The following HOXD4 variants were observed in gnomAD, a reference collection of about 807,000 sequenced individuals.
HOXD4 encodes homeobox D4.
HOXD4 carries 15 observed loss-of-function variants against 22.6 expected under a neutral mutation model. The ratio of observed to expected loss-of-function variants is 0.67; its 90% CI spans 0.45 to 1.02. The LOEUF (loss-of-function observed/expected upper bound fraction) is 1.02. Ranked by LOEUF, HOXD4 falls within the 50% of genes least tolerant of loss-of-function variation. The pLI is 0.00. For missense variants in HOXD4, 350 were observed against 346.6 expected (o/e 1.01, Z -0.08); for synonymous variants, 176 against 157.0 (o/e 1.12, Z -0.90).
chr2:176,152,093 T>G lies in HOXD4; in HGVS notation c.433+27T>G. 6.3e-7 allele frequency: 1 copy of G among 1,597,986 alleles called. No individual in the cohort carries two copies. Among genetic ancestry groups the G allele is most frequent in the South Asian group, 1.1e-5 (1 of 90,648 alleles). ...TAAGGCTAGGGTCCAGTAACCTTTC[T>G]GTCCACATCCCAGCCCGTTAGCCTG... On this transcript the variant is annotated intron_variant, in intron 1 of 1. Transcript: ENST00000306324. The surrounding 1 kb of genome is among the most constrained non-coding windows in gnomAD (Gnocchi z 5.2).
rs143890106 is a variant in HOXD4, at chr2:176,153,006, C to A, written c.*64C>A. 127 of 1,518,280 alleles carry A rather than the reference C, an allele frequency of 8.4e-5. No homozygotes were observed. The East Asian group carries it at 2.9e-3, about 34-fold the overall frequency. 94.1% of individuals were successfully genotyped at this position (1,518,280 alleles called of 1,614,324 possible). A position where few individuals can be genotyped will look rare whatever the true frequency, so the allele number is the denominator to read the frequency against. On this transcript the variant is annotated 3_prime_UTR_variant, in exon 2 of 2. Coordinates refer to ENST00000306324, the MANE Select transcript of HOXD4 (RefSeq NM_014621.3). ...GCTGAGCCGAAGCTGCGGGGGCAGG[C>A]CGGGCCTGCTGTCACCTCGCTGGGC... is the stretch of plus-strand genomic sequence containing the variant.
chr2:176,153,172 G>A lies in HOXD4; in HGVS notation c.*230G>A, dbSNP rs933904173. 1.8e-6 allele frequency: 1 copy of A among 571,342 alleles called. No homozygotes were observed. The highest frequency in any genetic ancestry group is 3.1e-6 in the Non-Finnish European group (1 of 319,492). 35.4% of individuals were successfully genotyped at this position (571,342 alleles called of 1,614,324 possible). On this transcript the variant is annotated 3_prime_UTR_variant, in exon 2 of 2. Transcript: ENST00000306324. ...ATTCTCTCTCTAAGTATATTATATG[G>A]CAGGAGCTACTGAGAACATAAAATC...
Position 176,151,926 on chromosome 2 carries a change from C to A in HOXD4, c.293C>A (p.Ala98Asp), listed in dbSNP as rs1376075991. Residue 98 changes from alanine to aspartate, a missense_variant, in exon 1 of 2, where the codon GCT becomes GAT. Coordinates refer to ENST00000306324, the MANE Select transcript of HOXD4 (RefSeq NM_014621.3). ...HYAAPGEPCP[A>D]PPAPPPAPLP... The stretch of plus-strand genomic sequence containing the variant: ...GCCGCTCCAGGAGAGCCTTGCCCAG[C>A]TCCCCCGGCGCCTCCGCCGGCGCCC... 6.2e-7 allele frequency: 1 copy of A among 1,603,408 alleles called. No individual in the cohort carries two copies. The highest frequency in any genetic ancestry group is 8.5e-7 in the Non-Finnish European group (1 of 1,174,908).
rs977785447 is a variant in HOXD4 at position 176,151,712 on chromosome 2, G to C, written c.79G>C (p.Gly27Arg). The C allele has an allele frequency of 2.5e-6, 4 of 1,613,556 alleles. No individual in the cohort carries two copies. The highest frequency in any genetic ancestry group is 3.4e-6 in the Non-Finnish European group (4 of 1,179,982). The change falls in exon 1 of 2, where the codon GGC (glycine) becomes CGC (arginine). Residue 27 changes from glycine (G) to arginine (R), a missense_variant. Transcript: ENST00000306324. The stretch of plus-strand genomic sequence containing the variant: ...TCCGTGCGAGGAGTATTTGCAGGGC[G>C]GCTACCTAGGCGAGCAGGGCGCCGA... ...FPPCEEYLQG[G>R]YLGEQGADYY...
In HOXD4 at chr2:176,151,701, A is replaced by G. The variant is rs556334519; in HGVS notation, c.68A>G (p.Tyr23Cys). 3 of 1,613,646 alleles carry G rather than the reference A, an allele frequency of 1.9e-6. No individual in the cohort carries two copies. In the African/African-American group the frequency reaches 4.0e-5, roughly 21 times the overall value. Residue 23 changes from tyrosine to cysteine, a missense_variant, in exon 1 of 2, where the codon TAT becomes TGT. Tyr to Cys is a radical substitution (Grantham distance 194). Coordinates refer to ENST00000306324, the MANE Select transcript of HOXD4 (RefSeq NM_014621.3). ...VDPKFPPCEE[Y>C]LQGGYLGEQG... ...CCCAAGTTCCCTCCGTGCGAGGAGT[A>G]TTTGCAGGGCGGCTACCTAGGCGAG... is the stretch of plus-strand genomic sequence containing the variant.
rs776849835 is a variant in HOXD4, at chr2:176,151,931, C to T, written c.298C>T (p.Pro100Ser). ...AAPGEPCPAP[P>S]APPPAPLPGA... ...TCCAGGAGAGCCTTGCCCAGCTCCC[C>T]CGGCGCCTCCGCCGGCGCCCCTGCC... is the stretch of plus-strand genomic sequence containing the variant. The change falls in exon 1 of 2, where the codon CCG (proline) becomes TCG (serine). Residue 100 changes from proline to serine, a missense_variant. By Grantham distance (74) the Pro-to-Ser change is moderately conservative (BLOSUM62 -1). Coordinates refer to ENST00000306324, the MANE Select transcript of HOXD4 (RefSeq NM_014621.3). 6.9e-6 allele frequency: 11 copies of T among 1,605,428 alleles called. No homozygotes were observed. The East Asian group carries it at 9.0e-5, about 13-fold the overall frequency.
chr2:176,152,745 C>G lies in HOXD4; in HGVS notation c.571C>G (p.Leu191Val). The change falls in exon 2 of 2, where the codon CTG becomes GTG. Residue 191 changes from leucine to valine, a missense_variant. Leu to Val is a conservative substitution (Grantham distance 32). Coordinates refer to ENST00000306324, the MANE Select transcript of HOXD4 (RefSeq NM_014621.3). This position sits in a 1 kb window ranked among gnomAD's most constrained non-coding sequence, Gnocchi z 5.2. ...RRRRIEIAHT[L>V]CLSERQIKIW... ...CCGTCGGATTGAAATCGCTCACACCCTGTGTCTGTCGGAGCGCCAGATCAA... is the reference window on the plus strand; with the variant it reads ...CCGTCGGATTGAAATCGCTCACACCGTGTGTCTGTCGGAGCGCCAGATCAA... 8.1e-6 allele frequency: 13 copies of G among 1,614,212 alleles called. No homozygotes were observed. Among genetic ancestry groups the G allele is most frequent in the Non-Finnish European group, 1.1e-5 (13 of 1,180,042 alleles).
rs1366489385 is a variant in HOXD4 at position 176,152,024 on chromosome 2, G to A, written c.391G>A (p.Ala131Thr). The change falls in exon 1 of 2, where the codon GCC (alanine) becomes ACC (threonine). Residue 131 changes from alanine (A) to threonine (T), a missense_variant. Ala to Thr is a moderately conservative substitution (Grantham distance 58). Coordinates refer to ENST00000306324, the MANE Select transcript of HOXD4 (RefSeq NM_014621.3). The surrounding 1 kb of genome is among the most constrained non-coding windows in gnomAD (Gnocchi z 5.2). ...CTCCGGGACGGCACTCAAGCAGCCG[G>A]CCGTGGTCTACCCCTGGATGAAGAA... ...PPSGTALKQP[A>T]VVYPWMKKVH... 3.1e-6 allele frequency: 5 copies of A among 1,613,590 alleles called. No individual in the cohort carries two copies. In the South Asian group the frequency reaches 5.5e-5, roughly 18 times the overall value.
chr2:176,151,586 A>G lies in HOXD4; in HGVS notation c.-48A>G. ...AGTAGGAGGGCCCTATGGAAGGAGA[A>G]AAAAAGACAACACGAGAAAAATTAG... On this transcript the variant is annotated 5_prime_UTR_variant, in exon 1 of 2. Transcript: ENST00000306324. The G allele has an allele frequency of 6.4e-7, 1 of 1,556,172 alleles. No homozygotes were observed. Among genetic ancestry groups the G allele is most frequent in the African/African-American group, 1.4e-5 (1 of 73,838 alleles).
In HOXD4 at chr2:176,152,311, C is replaced by G. The variant is rs1037857808; in HGVS notation, c.433+245C>G. On this transcript the variant is annotated intron_variant, in intron 1 of 1. Transcript: ENST00000306324. This position sits in a 1 kb window ranked among gnomAD's most constrained non-coding sequence, Gnocchi z 5.2. ...CTCCATTTTCAGAGCAGGGGGAAGGCTGTGGAGGAGCGGGGGATTTCCAAA... is the reference window on the plus strand; with the variant it reads ...CTCCATTTTCAGAGCAGGGGGAAGGGTGTGGAGGAGCGGGGGATTTCCAAA... Among the ~76,000 whole-genome samples, 2 of 146,510 alleles carry G rather than the reference C, an allele frequency of 1.4e-5. No individual in the cohort carries two copies. The highest frequency in any genetic ancestry group is 3.0e-5 in the Non-Finnish European group (2 of 66,818).
chr2:176,151,647 C>G lies in HOXD4; in HGVS notation c.14C>G (p.Ser5Trp), dbSNP rs141531995. Reference sequence around the variant, plus strand: ...CTTCTGAAATTAATGGTCATGAGTTCGTATATGGTGAACTCCAAGTATGTG... The same window carrying G: ...CTTCTGAAATTAATGGTCATGAGTTGGTATATGGTGAACTCCAAGTATGTG... Reference protein sequence around the residue: MVMSSYMVNSKYVDP... With the variant: MVMSWYMVNSKYVDP... The change falls in exon 1 of 2, where the codon TCG becomes TGG. Residue 5 changes from serine (S) to tryptophan (W), a missense_variant. Transcript: ENST00000306324. 1 of 1,612,522 alleles carries G rather than the reference C, an allele frequency of 6.2e-7. No individual in the cohort carries two copies. The highest frequency in any genetic ancestry group is 8.5e-7 in the Non-Finnish European group (1 of 1,179,362).
Position 176,151,703 on chromosome 2 carries a change from T to A in HOXD4, c.70T>A (p.Leu24Met), listed in dbSNP as rs1189097080. ...CAAGTTCCCTCCGTGCGAGGAGTATTTGCAGGGCGGCTACCTAGGCGAGCA... is the reference window on the plus strand; with the variant it reads ...CAAGTTCCCTCCGTGCGAGGAGTATATGCAGGGCGGCTACCTAGGCGAGCA... Reference protein sequence around the residue: ...DPKFPPCEEYLQGGYLGEQGA... With the variant: ...DPKFPPCEEYMQGGYLGEQGA... The change falls in exon 1 of 2, where the codon TTG (leucine) becomes ATG (methionine). Residue 24 changes from leucine to methionine, a missense_variant. By Grantham distance (15) the Leu-to-Met change is conservative. Coordinates refer to ENST00000306324, the MANE Select transcript of HOXD4 (RefSeq NM_014621.3). The A allele has an allele frequency of 6.2e-7, 1 of 1,613,604 alleles. No individual in the cohort carries two copies. Among genetic ancestry groups the A allele is most frequent in the East Asian group, 2.2e-5 (1 of 44,878 alleles).
chr2:176,153,131 T>TGGGGGTG lies in HOXD4; in HGVS notation c.*192_*193insGGTGGGG. ...CCCCCTCCCTAGAGCGGGATGGGGATGGGAGGGGGGGCGGGATTCTCTCTC... is the reference window on the plus strand; with the variant it reads ...CCCCCTCCCTAGAGCGGGATGGGGATGGGGGTGGGGAGGGGGGGCGGGATTCTCTCTC... On this transcript the variant is annotated 3_prime_UTR_variant, in exon 2 of 2. Coordinates refer to ENST00000306324, the MANE Select transcript of HOXD4 (RefSeq NM_014621.3). 2.9e-6 allele frequency: 1 copy of TGGGGGTG among 347,152 alleles called. No homozygotes were observed. 21.5% of individuals were successfully genotyped at this position (347,152 alleles called of 1,614,324 possible). A position where few individuals can be genotyped will look rare whatever the true frequency, so the allele number is the denominator to read the frequency against.
At position 176,152,186 on chromosome 2, in the gene HOXD4, C is replaced by T. The variant is rs1226604522; in HGVS notation, c.433+120C>T. On this transcript the variant is annotated intron_variant, in intron 1 of 1. Coordinates refer to ENST00000306324, the MANE Select transcript of HOXD4 (RefSeq NM_014621.3). This position sits in a 1 kb window ranked among gnomAD's most constrained non-coding sequence, Gnocchi z 5.2. ...CTTCCATGGGCGCCGCAATTACTCT[C>T]CCCATAAATTTTTATAGCTGAGGGA... The T allele has an allele frequency of 4.6e-6, 4 of 866,306 alleles. No homozygotes were observed. In the Admixed American group the frequency reaches 6.0e-5, roughly 13 times the overall value. 53.7% of individuals were successfully genotyped at this position (866,306 alleles called of 1,614,324 possible). A position where few individuals can be genotyped will look rare whatever the true frequency, so the allele number is the denominator to read the frequency against.
In HOXD4 at chr2:176,152,018, C is replaced by T. The variant is rs760420142; in HGVS notation, c.385C>T (p.Gln129Ter). 4.3e-6 allele frequency: 7 copies of T among 1,613,590 alleles called. No homozygotes were observed. The highest frequency in any genetic ancestry group is 5.1e-6 in the Non-Finnish European group (6 of 1,179,910). ...GCCGCCCTCCGGGACGGCACTCAAG[C>T]AGCCGGCCGTGGTCTACCCCTGGAT... is the stretch of plus-strand genomic sequence containing the variant. Reference protein sequence around the residue: ...KQPPSGTALKQPAVVYPWMKK... With the variant: ...KQPPSGTALK The change falls in exon 1 of 2, where the codon CAG becomes TAG. Residue 129 changes from glutamine (Q) to a stop codon, truncating the protein, a stop_gained. Coordinates refer to ENST00000306324, the MANE Select transcript of HOXD4 (RefSeq NM_014621.3). LOFTEE classifies it high-confidence loss of function. The surrounding 1 kb of genome is among the most constrained non-coding windows in gnomAD (Gnocchi z 5.2).
Position 176,152,066 on chromosome 2 carries a change from G to A in HOXD4, c.433G>A (p.Val145Met), listed in dbSNP as rs1256645702. 11 of 1,612,896 alleles carry A rather than the reference G, an allele frequency of 6.8e-6. No individual in the cohort carries two copies. The highest frequency in any genetic ancestry group is 8.5e-6 in the Non-Finnish European group (10 of 1,179,440). Residue 145 changes from valine (V) to methionine (M), a missense_variant and splice_region_variant, in exon 1 of 2, where the codon GTG becomes ATG. Physicochemically the swap from Val to Met is conservative, Grantham distance 21. Coordinates refer to ENST00000306324, the MANE Select transcript of HOXD4 (RefSeq NM_014621.3). This position sits in a 1 kb window ranked among gnomAD's most constrained non-coding sequence, Gnocchi z 5.2. ...PWMKKVHVNS[V>M]NPNYTGGEPK... is the part of the protein sequence containing the mutation. ...GATGAAGAAGGTGCACGTGAATTCG[G>A]GTAAGGCTAGGGTCCAGTAACCTTT...
At position 176,152,801 on chromosome 2, in the gene HOXD4, G is replaced by GA. The variant is rs1427927263; in HGVS notation, c.633dup (p.Asp212ArgfsTer3). The stretch of plus-strand genomic sequence containing the variant: ...GGTTCCAGAACCGGAGGATGAAGTG[G>GA]AAAAAAGATCATAAGCTGCCCAACA... On this transcript the variant is annotated frameshift_variant, in exon 2 of 2. Coordinates refer to ENST00000306324, the MANE Select transcript of HOXD4 (RefSeq NM_014621.3). LOFTEE classifies it high-confidence loss of function. The surrounding 1 kb of genome is among the most constrained non-coding windows in gnomAD (Gnocchi z 5.2). The GA allele has an allele frequency of 2.5e-6, 4 of 1,614,028 alleles. No homozygotes were observed. Among genetic ancestry groups the GA allele is most frequent in the East Asian group, 2.2e-5 (1 of 44,894 alleles).
rs1047977635 is a variant in HOXD4, at chr2:176,152,067, G to T, written c.433+1G>T. 1 of 1,613,012 alleles carries T rather than the reference G, an allele frequency of 6.2e-7. No individual in the cohort carries two copies. The highest frequency in any genetic ancestry group is 8.5e-7 in the Non-Finnish European group (1 of 1,179,396). On this transcript the variant is annotated splice_donor_variant, in intron 1 of 1. Transcript: ENST00000306324. LOFTEE classifies it high-confidence loss of function. The surrounding 1 kb of genome is among the most constrained non-coding windows in gnomAD (Gnocchi z 5.2). ...ATGAAGAAGGTGCACGTGAATTCGGGTAAGGCTAGGGTCCAGTAACCTTTC... is the reference window on the plus strand; with the variant it reads ...ATGAAGAAGGTGCACGTGAATTCGGTTAAGGCTAGGGTCCAGTAACCTTTC...
Position 176,151,881 on chromosome 2 carries a change from G to A in HOXD4, c.248G>A (p.Gly83Asp), listed in dbSNP as rs1174572116. Reference protein sequence around the residue: ...LPARGHGQEPGGPGGHYAAPG... With the variant: ...LPARGHGQEPDGPGGHYAAPG... ...GCGCGGGGTCACGGACAAGAGCCAG[G>A]CGGCCCCGGCGGTCACTACGCCGCT... The change falls in exon 1 of 2, where the codon GGC becomes GAC. Residue 83 changes from glycine to aspartate, a missense_variant. Gly to Asp is a moderately conservative substitution (Grantham distance 94). Coordinates refer to ENST00000306324, the MANE Select transcript of HOXD4 (RefSeq NM_014621.3). The A allele has an allele frequency of 6.3e-6, 10 of 1,583,834 alleles. No homozygotes were observed. The East Asian group carries it at 2.1e-4, about 33-fold the overall frequency.
Sources: allele counts gnomAD v4.1 joint callset (sites outside exome capture counted in the v4.1 genomes callset), GRCh38; gene constraint gnomAD v4.1.1; non-coding constraint Gnocchi (gnomAD v3.1); transcripts MANE v1.5; gene names NCBI Gene and HGNC (gene_info 2026-07-23, HGNC 2026-07-21).